Variants in ADAMTS19 observed in about 807,000 individuals in gnomAD.
The protein encoded by ADAMTS19 is A disintegrin and metalloproteinase with thrombospondin motifs 19.
In ADAMTS19, 93 loss-of-function variants were observed where a neutral mutation model predicts 153.3. That is an observed-to-expected ratio of 0.61 (90% CI 0.51 to 0.72). ADAMTS19 has a LOEUF of 0.72. Ranked by LOEUF, ADAMTS19 falls within the 30% of genes least tolerant of loss-of-function variation. ADAMTS19 has a pLI of 0.00. For synonymous variants in ADAMTS19, 600 were observed against 556.6 expected, an observed-to-expected ratio of 1.08 and a Z score of -1.10; for missense variants, 1,482 against 1,552.1, an observed-to-expected ratio of 0.95 and a Z score of 0.76.
At chr5:129,672,197 C>T (rs1385876129) in intron 16 of ADAMTS19, among the ~76,000 whole-genome samples, 2 of 152,072 alleles carry the variant, frequency 1.3e-5, no homozygotes, top group African/African-American at 4.8e-5. Flanking sequence ...CTTATAAGAA[C>T]ACTAATCCCA....
intron 6 of ADAMTS19, among the ~76,000 whole-genome samples, chr5:129,544,337 C>T (rs191115124): frequency 1.3e-5 from 2 of 152,178 alleles, no homozygotes; most frequent in East Asian, 3.9e-4. Context: ...TCTTTTAAAG[C>T]ATTTGGTGAA....
chr5:129,559,087 T>C (rs890174277), intron 7 of ADAMTS19, among the ~76,000 whole-genome samples: 1 of 152,076 alleles, frequency 6.6e-6, no homozygotes, highest in African/African-American at 2.4e-5. Context: ...TAAAGTATCT[T>C]CAATTTTCAT....
chr5:129,608,088 A>ATG lies in ADAMTS19; in HGVS notation c.1478+11425_1478+11426insGT, dbSNP rs1351864163. Among the ~76,000 whole-genome samples, 164 of 99,320 alleles carry ATG rather than the reference A, an allele frequency of 1.7e-3. 2 individuals are homozygous for ATG. The highest frequency in any genetic ancestry group is 0.011 in the Middle Eastern group (2 of 184). The allele number at this position is 99,320 out of a possible 152,430, so 65.2% of individuals were successfully genotyped here. On this transcript the variant is annotated intron_variant, in intron 8 of 22. Coordinates refer to ENST00000274487, the MANE Select transcript of ADAMTS19 (RefSeq NM_133638.6). ...TCATTATATAATTGGAATTTTATAT[A>ATG]TATGTGTGTGTGTGTGTGTGTGTGT...
chr5:129,678,684 A>G (rs1180848925), intron 16 of ADAMTS19, among the ~76,000 whole-genome samples: 1 of 152,190 alleles, frequency 6.6e-6, no homozygotes, highest in Admixed American at 6.5e-5. Context: ...GTTTTTCAAA[A>G]TCTTTAAATG....
intron 21 of ADAMTS19, among the ~76,000 whole-genome samples, chr5:129,715,227 AAC>A (rs940389648): frequency 1.3e-5 from 2 of 152,194 alleles, no homozygotes; most frequent in Non-Finnish European, 2.9e-5. Context: ...AAAACTCGTT[AAC>A]AGTTTCTATC....
chr5:129,477,421 C>A (rs1474419623), intron 2 of ADAMTS19, among the ~76,000 whole-genome samples: 1 of 152,034 alleles, frequency 6.6e-6, no homozygotes. Context: ...ATACAACCTT[C>A]GTATGAGGGA....
In ADAMTS19 at chr5:129,594,788, C is replaced by T. The variant is rs557611479; in HGVS notation, c.1373-1771C>T. Among the ~76,000 whole-genome samples, 7 of 151,888 alleles carry T rather than the reference C, an allele frequency of 4.6e-5. No individual in the cohort carries two copies. In the South Asian group the frequency reaches 1.5e-3, roughly 32 times the overall value. Reference sequence around the variant, plus strand: ...AAAAATATGATTTTCTCCTTCTCCCCTCCTCTTCTCCCTTCCCCAATCCCT... The same window carrying T: ...AAAAATATGATTTTCTCCTTCTCCCTTCCTCTTCTCCCTTCCCCAATCCCT... On this transcript the variant is annotated intron_variant, in intron 7 of 22. Coordinates refer to ENST00000274487, the MANE Select transcript of ADAMTS19 (RefSeq NM_133638.6).
chr5:129,508,053 T>C (rs1424768441), intron 2 of ADAMTS19, among the ~76,000 whole-genome samples: 2 of 151,954 alleles, frequency 1.3e-5, no homozygotes, highest in Non-Finnish European at 2.9e-5. Context: ...ATTTTCACTT[T>C]AGAAAATAAT....
At chr5:129,501,085 A>G (rs1751086763) in intron 2 of ADAMTS19, among the ~76,000 whole-genome samples, 1 of 152,182 alleles carries the variant, frequency 6.6e-6, no homozygotes, top group Non-Finnish European at 1.5e-5. Flanking sequence ...ATTCATATGT[A>G]ATTATCCTGT....
intron 6 of ADAMTS19, among the ~76,000 whole-genome samples, chr5:129,537,986 A>G (rs1299721919): frequency 6.6e-6 from 1 of 152,034 alleles, no homozygotes; most frequent in Non-Finnish European, 1.5e-5. Flanking sequence ...AAGTTGGTAG[A>G]AGGGATGGAA....
chr5:129,620,773 TA>T lies in ADAMTS19; in HGVS notation c.1619+16del. The T allele has an allele frequency of 6.2e-7, 1 of 1,609,932 alleles. No homozygotes were observed. The highest frequency in any genetic ancestry group is 1.1e-5 in the South Asian group (1 of 90,500). On this transcript the variant is annotated intron_variant, in intron 9 of 22. Transcript: ENST00000274487. ...AGATTTCTCAGGTATGGAGGTCACT[TA>T]TTGTTTTTGCCTTGTGAATGATTAT...
At chr5:129,578,806 G>A (rs902590145) in intron 7 of ADAMTS19, among the ~76,000 whole-genome samples, 3 of 152,092 alleles carry the variant, frequency 2.0e-5, no homozygotes, top group African/African-American at 4.8e-5. Context: ...ATCCCATTGT[G>A]TATATGTGCC....
chr5:129,543,608 A>T lies in ADAMTS19; in HGVS notation c.1329-8256A>T, dbSNP rs77897345. ...TTCTTTAGAGCAAAGTTTCCTCTGG[A>T]TGCATTATAAAGGCAAACAGAGGTA... On this transcript the variant is annotated intron_variant, in intron 6 of 22. Transcript: ENST00000274487. Among the ~76,000 whole-genome samples the T allele has an allele frequency of 2.8e-3, 425 of 152,258 alleles. 1 individual carries two copies. The highest frequency in any genetic ancestry group is 9.5e-3 in the African/African-American group (393 of 41,562).
chr5:129,679,819 T>C lies in ADAMTS19; in HGVS notation c.2562T>C (p.Ser854=), dbSNP rs140031899. 1.2e-6 allele frequency: 2 copies of C among 1,613,818 alleles called. No homozygotes were observed. Among genetic ancestry groups the C allele is most frequent in the African/African-American group, 2.7e-5 (2 of 74,934 alleles). ...ATAGTGACTGGAAGATTGAACACTCTGGAGCCTTCAATTTGGCTGGAACTA... is the reference window on the plus strand; with the variant it reads ...ATAGTGACTGGAAGATTGAACACTCCGGAGCCTTCAATTTGGCTGGAACTA... ...SINSDWKIEH[S]GAFNLAGTTV... Residue 854 remains serine (S), a synonymous_variant, in exon 17 of 23, where the codon TCT becomes TCC. Coordinates refer to ENST00000274487, the MANE Select transcript of ADAMTS19 (RefSeq NM_133638.6).
intron 6 of ADAMTS19, among the ~76,000 whole-genome samples, chr5:129,533,946 C>T (rs1164230566): frequency 6.6e-6 from 1 of 152,084 alleles, no homozygotes; most frequent in African/African-American, 2.4e-5. Flanking sequence ...TTTGATTGCA[C>T]TGTGGTCTGA....
intron 8 of ADAMTS19, among the ~76,000 whole-genome samples, chr5:129,604,103 G>A (rs796078080): frequency 6.6e-6 from 1 of 152,046 alleles, no homozygotes; most frequent in South Asian, 2.1e-4. Flanking sequence ...GGGGCTCGGT[G>A]GGGAGGAGGT....
intron 21 of ADAMTS19, among the ~76,000 whole-genome samples, chr5:129,723,950 T>C (rs113367965): frequency 3.3e-5 from 5 of 152,170 alleles, no homozygotes; most frequent in Admixed American, 2.6e-4. Flanking sequence ...TGATTGGCAA[T>C]TGATTGAAAG....
intron 7 of ADAMTS19, among the ~76,000 whole-genome samples, chr5:129,595,318 G>A (rs1199579365): frequency 2.0e-5 from 3 of 152,062 alleles, no homozygotes; most frequent in Non-Finnish European, 4.4e-5. Context: ...CAATTCAGAA[G>A]TTCTCTTCTC....
intron 7 of ADAMTS19, among the ~76,000 whole-genome samples, chr5:129,594,132 A>G (rs1561590665): frequency 6.6e-6 from 1 of 152,288 alleles, no homozygotes; most frequent in East Asian, 1.9e-4. Flanking sequence ...TATTGCCCAT[A>G]TATTTCAATA....
Sources: allele counts gnomAD v4.1 joint callset (sites outside exome capture counted in the v4.1 genomes callset), GRCh38; gene constraint gnomAD v4.1.1; transcripts MANE v1.5; gene names NCBI Gene and HGNC (gene_info 2026-07-23, HGNC 2026-07-21).